ILKAP: variants seen among roughly 807,000 people sequenced by gnomAD.
The protein encoded by ILKAP is integrin-linked kinase-associated serine/threonine phosphatase 2C.
ILKAP carries 11 observed loss-of-function variants against 49.1 expected under a neutral mutation model. The ratio of observed to expected loss-of-function variants is 0.22; its 90% CI spans 0.14 to 0.37. ILKAP has a LOEUF of 0.37. ILKAP is among the 10% of genes least tolerant of loss of function. The probability of loss-of-function intolerance (pLI) is 1.00; values close to 1 mark genes in which losing one functional copy is unlikely to be tolerated. For missense variants in ILKAP, 363 were observed against 510.8 expected (o/e 0.71, Z 2.79); for synonymous variants, 186 against 192.8 (o/e 0.96, Z 0.29).
intron 3 of ILKAP, 41 bp from the exon 4 acceptor site, chr2:238,190,013 A>C: frequency 6.2e-7 from 1 of 1,605,268 alleles, no homozygotes; most frequent in Non-Finnish European, 8.5e-7. Context: ...ACAGCTGTAG[A>C]CTGTTGGAAA....
intron 9 of ILKAP, 73 bp from the exon 10 acceptor site, chr2:238,173,726 TA>T: frequency 6.7e-7 from 1 of 1,499,010 alleles, no homozygotes; most frequent in Non-Finnish European, 9.1e-7. Context: ...AATCTCACCT[TA>T]AAAGCAGAGA....
chr2:238,194,487 G>A, intron 2 of ILKAP, 156 bp from the exon 3 acceptor site: 2 of 651,336 alleles, frequency 3.1e-6, no homozygotes, highest in South Asian at 4.1e-5. Flanking sequence ...ATAATATCTT[G>A]AACCTATTTT....
At chr2:238,181,959 C>CACTG (rs1693712165) in intron 9 of ILKAP, 106 bp downstream of exon 9, 2 of 1,216,244 alleles carry the variant, frequency 1.6e-6, no homozygotes, top group Non-Finnish European at 2.3e-6. Flanking sequence ...AGCCTCGTCA[C>CACTG]ACTGAAGACT....
In ILKAP at chr2:238,170,621, G is replaced by A. The variant is rs1324895812; in HGVS notation, c.1094C>T (p.Ala365Val). The A allele has an allele frequency of 6.2e-7, 1 of 1,605,722 alleles. No individual in the cohort carries two copies. The highest frequency in any genetic ancestry group is 8.5e-7 in the Non-Finnish European group (1 of 1,173,354). ...GKSAADARYE[A>V]ACNRLANKAV... ...CTTGTTGGCCAGCCTGTTGCAGGCT[G>A]CTTCGTAGCGGGCGTCGGCTGCGGA... The change falls in exon 12 of 12, where the codon GCA becomes GTA. Residue 365 changes from alanine (A) to valine (V), a missense_variant. Coordinates refer to ENST00000254654, the MANE Select transcript of ILKAP (RefSeq NM_030768.3).
intron 2 of ILKAP, 123 bp from the exon 3 acceptor site, chr2:238,194,454 A>G: frequency 1.3e-6 from 1 of 787,048 alleles, no homozygotes. Context: ...GCGTCAATCC[A>G]GTGGCAACTC....
At chr2:238,182,326 ACG>A in intron 8 of ILKAP, 140 bp from the exon 9 acceptor site, 1 of 986,936 alleles carries the variant, frequency 1.0e-6, no homozygotes, top group South Asian at 1.5e-5. Context: ...CTGCTGATAA[ACG>A]TAAGTTCAGA....
At chr2:238,184,885 C>T (rs1405770279) in intron 6 of ILKAP, among the ~76,000 whole-genome samples, 4 of 152,164 alleles carry the variant, frequency 2.6e-5, no homozygotes, top group Admixed American at 1.3e-4. Context: ...TCACATATAA[C>T]ACAGTGCTAT....
intron 1 of ILKAP, among the ~76,000 whole-genome samples, chr2:238,203,109 C>G (rs944435194): frequency 4.0e-5 from 6 of 151,006 alleles, no homozygotes; most frequent in African/African-American, 1.5e-4. Context: ...GCGGGCGACG[C>G]GCAAGGCAGC....
At chr2:238,195,861 G>A (rs1326768988) in intron 1 of ILKAP, among the ~76,000 whole-genome samples, 8 of 151,462 alleles carry the variant, frequency 5.3e-5, no homozygotes, top group African/African-American at 1.9e-4. Context: ...TGGACAACAT[G>A]GCAAAAAAAT....
intron 5 of ILKAP, chr2:238,185,488 TTA>T (rs1449893886): frequency 4.1e-6 from 2 of 491,288 alleles, no homozygotes; most frequent in Non-Finnish European, 7.2e-6. Context: ...TCACAGCATT[TTA>T]TCTTTTTTTA....
intron 8 of ILKAP, among the ~76,000 whole-genome samples, chr2:238,183,043 G>A (rs935534775): frequency 1.3e-5 from 2 of 152,266 alleles, no homozygotes; most frequent in South Asian, 2.1e-4. Context: ...GCAACGGAAC[G>A]GAACACATGG....
At chr2:238,201,419 C>T (rs1205560322) in intron 1 of ILKAP, among the ~76,000 whole-genome samples, 1 of 152,200 alleles carries the variant, frequency 6.6e-6, no homozygotes, top group African/African-American at 2.4e-5. Context: ...CTCAGCCAAG[C>T]AGGACCTGTT....
At chr2:238,188,357 C>T in intron 4 of ILKAP, 100 bp from the exon 5 acceptor site, 1 of 1,389,826 alleles carries the variant, frequency 7.2e-7, no homozygotes, top group Admixed American at 2.4e-5. Context: ...CTGTCTGACT[C>T]AGCAATATCC....
At chr2:238,196,983 G>C (rs1694369346) in intron 1 of ILKAP, among the ~76,000 whole-genome samples, 1 of 152,182 alleles carries the variant, frequency 6.6e-6, no homozygotes, top group African/African-American at 2.4e-5. Context: ...TCAGGACTGA[G>C]GTCAGCAGTT....
At chr2:238,185,411 G>C (rs560725748) in intron 5 of ILKAP, 124 bp from the exon 6 acceptor site, 1 of 626,618 alleles carries the variant, frequency 1.6e-6, no homozygotes, top group South Asian at 2.0e-5. Context: ...CACTGGTTAA[G>C]ACACCAGTCA....
chr2:238,171,852 C>T (rs1388057661), intron 10 of ILKAP, among the ~76,000 whole-genome samples: 2 of 152,128 alleles, frequency 1.3e-5, no homozygotes, highest in Non-Finnish European at 2.9e-5. Flanking sequence ...ACATGCTCTC[C>T]CTTTCAGAAT....
rs541833721 is a variant in ILKAP, at chr2:238,174,694, C to G, written c.837-1041G>C. 4.6e-5 allele frequency among the ~76,000 whole-genome samples: 7 copies of G among 152,294 alleles called. No individual in the cohort carries two copies. The East Asian group carries it at 1.3e-3, about 29-fold the overall frequency. The stretch of plus-strand genomic sequence containing the variant: ...CGTAACAAACATGTTTTTTCTTCTT[C>G]AAAGACTTCTGCTGGTATCTGCAAA... On this transcript the variant is annotated intron_variant, in intron 9 of 11. Coordinates refer to ENST00000254654, the MANE Select transcript of ILKAP (RefSeq NM_030768.3).
intron 9 of ILKAP, among the ~76,000 whole-genome samples, chr2:238,180,167 C>CAAAA (rs937999114): frequency 7.7e-6 from 1 of 129,666 alleles, no homozygotes; most frequent in Admixed American, 8.1e-5. Context: ...TTCTCTCTCT[C>CAAAA]AAAAAAAAAA....
Position 238,185,384 on chromosome 2 carries a change from T to C in ILKAP, c.426-97A>G, listed in dbSNP as rs1574793284. 3 of 768,882 alleles carry C rather than the reference T, an allele frequency of 3.9e-6. No individual in the cohort carries two copies. In the African/African-American group the frequency reaches 5.2e-5, roughly 13 times the overall value. The allele number at this position is 768,882 out of a possible 1,614,324, so 47.6% of individuals were successfully genotyped here. A position where few individuals can be genotyped will look rare whatever the true frequency, so the allele number is the denominator to read the frequency against. ...TTTCGTCTCAAAGAGTGAACATTAATAAGTCAGAGGAAGTCACACTGGTTA... is the reference window on the plus strand; with the variant it reads ...TTTCGTCTCAAAGAGTGAACATTAACAAGTCAGAGGAAGTCACACTGGTTA... On this transcript the variant is annotated intron_variant, in intron 5 of 11. Transcript: ENST00000254654.
Sources: allele counts gnomAD v4.1 joint callset (sites outside exome capture counted in the v4.1 genomes callset), GRCh38; gene constraint gnomAD v4.1.1; transcripts MANE v1.5; gene names NCBI Gene and HGNC (gene_info 2026-07-23, HGNC 2026-07-21).